The following ARHGAP6 variants were observed in gnomAD, a reference collection of about 807,000 sequenced individuals.
The protein encoded by ARHGAP6 is rho GTPase-activating protein 6.
In ARHGAP6, 16 loss-of-function variants were observed where a neutral mutation model predicts 55.7. The observed-to-expected ratio is 0.29, with a 90% CI of 0.19 to 0.44. The LOEUF is 0.44. Ranked by LOEUF, ARHGAP6 falls within the 20% of genes least tolerant of loss-of-function variation. ARHGAP6 has a pLI of 1.00. For synonymous variants in ARHGAP6, 382 were observed against 360.9 expected (o/e 1.06, Z -0.66); for missense variants, 698 against 808.9 (o/e 0.86, Z 1.66).
intron 1 of ARHGAP6, among the ~76,000 whole-genome samples, chrX:11,571,247 G>A (rs2051511967): frequency 9.0e-6 from 1 of 111,514 alleles, no homozygotes; most frequent in Non-Finnish European, 1.9e-5. Context: ...ATTCTTTTGG[G>A]GTTAATGTCC....
intron 1 of ARHGAP6, among the ~76,000 whole-genome samples, chrX:11,614,118 AC>A (rs200297087): frequency 2.4e-3 from 264 of 110,286 alleles, no homozygotes; most frequent in Non-Finnish European, 3.7e-3. Flanking sequence ...AGCCACTTCC[AC>A]CCCAACTCTA....
At chrX:11,538,147 C>A (rs751177775) in intron 1 of ARHGAP6, among the ~76,000 whole-genome samples, 10 of 111,896 alleles carry the variant, frequency 8.9e-5, no homozygotes, top group Non-Finnish European at 1.9e-4. Context: ...CCAAAGTGTA[C>A]AAACAAGAGA....
intron 1 of ARHGAP6, among the ~76,000 whole-genome samples, chrX:11,363,893 A>G (rs1181777572): frequency 8.9e-6 from 1 of 112,409 alleles, no homozygotes; most frequent in South Asian, 3.6e-4. Flanking sequence ...ATAAAGACAC[A>G]TGCACATGTA....
At chrX:11,387,694 C>T (rs945761089) in intron 1 of ARHGAP6, among the ~76,000 whole-genome samples, 2 of 110,997 alleles carry the variant, frequency 1.8e-5, no homozygotes, top group African/African-American at 6.6e-5. Context: ...CTAATGCTAT[C>T]CCTCCCCGCT....
intron 1 of ARHGAP6, among the ~76,000 whole-genome samples, chrX:11,320,837 T>C (rs9887111): frequency 0.2 from 21,395 of 105,486 alleles, 1,697 homozygotes; most frequent in Middle Eastern, 0.3. Context: ...CACACACACA[T>C]ATATAAACGC....
intron 2 of ARHGAP6, among the ~76,000 whole-genome samples, chrX:11,202,042 TGTGTA>T (rs1380075230): frequency 1.0e-5 from 1 of 99,844 alleles, no homozygotes; most frequent in African/African-American, 3.7e-5. Flanking sequence ...TGTGTGTGTG[TGTGTA>T]GCCTGGTCCA....
chrX:11,308,538 CTTGATCCTTCATCA>C (rs1318021056), intron 1 of ARHGAP6, among the ~76,000 whole-genome samples: 1 of 111,505 alleles, frequency 9.0e-6, no homozygotes, highest in African/African-American at 3.3e-5. Context: ...GTTATAGAAT[CTTGATCCTTCATCA>C]TACTAAGGAA....
At chrX:11,417,368 G>T (rs929269741) in intron 1 of ARHGAP6, among the ~76,000 whole-genome samples, 1 of 108,391 alleles carries the variant, frequency 9.2e-6, no homozygotes, top group African/African-American at 3.4e-5. Context: ...GGGGTAGCAT[G>T]GGGGGAGTGC....
At chrX:11,383,335 A>G (rs1336666846) in intron 1 of ARHGAP6, among the ~76,000 whole-genome samples, 1 of 111,415 alleles carries the variant, frequency 9.0e-6, no homozygotes, top group Admixed American at 9.6e-5. Context: ...AAATCCTTTG[A>G]TAGTAAGAGT....
intron 1 of ARHGAP6, among the ~76,000 whole-genome samples, chrX:11,601,683 T>A (rs1257619182): frequency 1.8e-5 from 2 of 112,148 alleles, no homozygotes; most frequent in Middle Eastern, 4.2e-3. Flanking sequence ...GAGATTTTTT[T>A]AAATGTCTAC....
intron 1 of ARHGAP6, among the ~76,000 whole-genome samples, chrX:11,516,925 G>A (rs1466675848): frequency 1.8e-5 from 2 of 111,183 alleles, no homozygotes; most frequent in African/African-American, 6.5e-5. Context: ...CTCCTTCAAG[G>A]CCCCTATTCA....
At chrX:11,539,064 C>A (rs2147070509) in intron 1 of ARHGAP6, among the ~76,000 whole-genome samples, 1 of 110,716 alleles carries the variant, frequency 9.0e-6, no homozygotes, top group African/African-American at 3.3e-5. Context: ...TCCATATTGG[C>A]CAGGCTGGTC....
rs775041699 is a variant in ARHGAP6 at position 11,142,312 on chromosome X, A to T, written c.2178T>A (p.Asp726Glu). The change falls in exon 12 of 13, where the codon GAT becomes GAA. Residue 726 changes from aspartate to glutamate, a missense_variant and splice_region_variant. Coordinates refer to ENST00000337414, the MANE Select transcript of ARHGAP6 (RefSeq NM_013427.3). ...ESSPGPRLGK[D>E]LSEEPFDIWG... ...AGATATCGAAAGGCTCCTCTGACAG[A>T]TCTAGGGAAAAAGTGTATAAAAAGG... The T allele has an allele frequency of 8.4e-7, 1 of 1,184,074 alleles. No homozygotes were observed. The highest frequency in any genetic ancestry group is 1.9e-5 in the South Asian group (1 of 53,611).
At chrX:11,615,617 TA>T (rs758448804) in intron 1 of ARHGAP6, among the ~76,000 whole-genome samples, 301 of 112,070 alleles carry the variant, frequency 2.7e-3, no homozygotes, top group African/African-American at 8.6e-3. Flanking sequence ...ACAAAACACC[TA>T]AAACATCTTG....
intron 1 of ARHGAP6, among the ~76,000 whole-genome samples, chrX:11,521,501 T>C (rs2050926433): frequency 3.6e-5 from 4 of 112,079 alleles, no homozygotes; most frequent in Admixed American, 1.9e-4. Context: ...GGCTCTGTTC[T>C]GTTCCATTGG....
At chrX:11,568,592 A>T (rs2051474086) in intron 1 of ARHGAP6, among the ~76,000 whole-genome samples, 1 of 110,991 alleles carries the variant, frequency 9.0e-6, no homozygotes, top group Admixed American at 9.6e-5. Context: ...CCCTGTCTCT[A>T]CTAAAAATAC....
intron 1 of ARHGAP6, among the ~76,000 whole-genome samples, chrX:11,521,346 G>A (rs1191894140): frequency 8.9e-6 from 1 of 112,111 alleles, no homozygotes; most frequent in Non-Finnish European, 1.9e-5. Context: ...AAGGTGTAAG[G>A]AAGGGACCCA....
chrX:11,640,469 G>A (rs754853576), intron 1 of ARHGAP6, among the ~76,000 whole-genome samples: 1 of 112,274 alleles, frequency 8.9e-6, no homozygotes, highest in East Asian at 2.8e-4. Context: ...CAAGTCTGAT[G>A]AAGAACAGTG....
rs909872383 is a variant in ARHGAP6 at position 11,265,733 on chromosome X, T to G, written c.589-11026A>C. ...TCTTTGCTGTCCTCTCTAATCTAAC[T>G]GAACTAAGCTTGCAGTAGGAAGTTG... On this transcript the variant is annotated intron_variant, in intron 1 of 12. Coordinates refer to ENST00000337414, the MANE Select transcript of ARHGAP6 (RefSeq NM_013427.3). 2.1e-5 allele frequency: 19 copies of G among 909,162 alleles called. No individual in the cohort carries two copies. The Admixed American group carries it at 3.3e-4, about 16-fold the overall frequency. 74.9% of individuals were successfully genotyped at this position (909,162 alleles called of 1,213,427 possible). A position where few individuals can be genotyped will look rare whatever the true frequency, so the allele number is the denominator to read the frequency against.
Sources: allele counts gnomAD v4.1 joint callset (sites outside exome capture counted in the v4.1 genomes callset), GRCh38; gene constraint gnomAD v4.1.1; transcripts MANE v1.5; gene names NCBI Gene and HGNC (gene_info 2026-07-23, HGNC 2026-07-21).